Variants in CNGA1 observed in about 807,000 individuals in gnomAD.
CNGA1 encodes the protein cyclic nucleotide gated channel subunit alpha 1, also known as cyclic nucleotide-gated channel alpha-1.
Under a neutral mutation model 69.7 loss-of-function variants are expected in CNGA1, and 53 were observed. The ratio of observed to expected loss-of-function variants is 0.76; its 90% CI spans 0.61 to 0.96. The LOEUF is 0.96. CNGA1 is among the 40% of genes least tolerant of loss of function. CNGA1 has a pLI of 0.00. For missense variants in CNGA1, 739 were observed against 811.2 expected (o/e 0.91, Z 1.08); for synonymous variants, 249 against 283.5 (o/e 0.88, Z 1.22).
At chr4:47,994,865 G>A (rs1461476160) in intron 2 of CNGA1, among the ~76,000 whole-genome samples, 1 of 152,086 alleles carries the variant, frequency 6.6e-6, no homozygotes, top group Non-Finnish European at 1.5e-5. Context: ...TCTTGTAGTG[G>A]TGACTTGGTA....
intron 10 of CNGA1, among the ~76,000 whole-genome samples, chr4:47,938,830 A>T (rs572974329): frequency 6.6e-6 from 1 of 151,986 alleles, no homozygotes; most frequent in African/African-American, 2.4e-5. Flanking sequence ...TAATCCCAGC[A>T]CTTTGGAAGG....
chr4:48,014,926 C>A (rs532021199), intron 1 of CNGA1, among the ~76,000 whole-genome samples: 4 of 152,010 alleles, frequency 2.6e-5, no homozygotes, highest in East Asian at 1.9e-4. Context: ...TAATCCCAGC[C>A]CTTTGGGAGG....
At chr4:48,004,548 T>C (rs1210478399) in intron 2 of CNGA1, among the ~76,000 whole-genome samples, 4 of 152,138 alleles carry the variant, frequency 2.6e-5, no homozygotes, top group Non-Finnish European at 4.4e-5. Flanking sequence ...CTCTCATGGC[T>C]AGGATGGTTT....
chr4:47,973,485 G>A (rs917319491), intron 3 of CNGA1, among the ~76,000 whole-genome samples: 6 of 152,136 alleles, frequency 3.9e-5, no homozygotes, highest in Non-Finnish European at 7.3e-5. Flanking sequence ...CACGTAGAAG[G>A]CTTCCTGTAT....
intron 3 of CNGA1, among the ~76,000 whole-genome samples, chr4:47,979,320 CAAAAA>C (rs10572642): frequency 1.7e-5 from 2 of 117,226 alleles, no homozygotes; most frequent in Admixed American, 9.3e-5. Flanking sequence ...CACTCCATCT[CAAAAA>C]AAAAAAAAAA....
At chr4:48,007,870 C>A (rs1371637679) in intron 2 of CNGA1, among the ~76,000 whole-genome samples, 2 of 152,022 alleles carry the variant, frequency 1.3e-5, no homozygotes, top group Non-Finnish European at 1.5e-5. Context: ...TAGCATCAGG[C>A]CACAACAAAC....
intron 5 of CNGA1, 117 bp downstream of exon 5, chr4:47,951,236 A>G: frequency 1.4e-6 from 1 of 705,856 alleles, no homozygotes; most frequent in South Asian, 1.5e-5. Context: ...TGTGGGAGTT[A>G]TTTCTATCCT....
At position 47,937,205 on chromosome 4, in the gene CNGA1, A is replaced by G. The variant is rs1560617118; in HGVS notation, c.1277T>C (p.Met426Thr). ...YMHFRNVSKD[M>T]EKRVIKWFDY... ...AAACCATTTAATAACCCTCTTTTCC[A>G]TATCTTTGCTTACATTTCGAAAATG... Residue 426 changes from methionine (M) to threonine (T), a missense_variant, in exon 11 of 11, where the codon ATG becomes ACG. Met to Thr is a moderately conservative substitution (Grantham distance 81). Coordinates refer to ENST00000514170, the MANE Select transcript of CNGA1 (RefSeq NM_001379270.1). The G allele has an allele frequency of 6.2e-7, 1 of 1,614,076 alleles. No homozygotes were observed. Among genetic ancestry groups the G allele is most frequent in the Non-Finnish European group, 8.5e-7 (1 of 1,180,008 alleles).
rs755612603 is a variant in CNGA1 at position 47,937,262 on chromosome 4, T to C, written c.1220A>G (p.Gln407Arg). ...TTGCTTGATAGCATCAATTCTTGCT[T>C]GAAATTCTGCTCTGGCTGCATTCAT... ...SNMNAARAEF[Q>R]ARIDAIKQYM... Residue 407 changes from glutamine (Q) to arginine (R), a missense_variant, in exon 11 of 11, where the codon CAA (glutamine) becomes CGA (arginine). By Grantham distance (43) the Gln-to-Arg change is conservative. Coordinates refer to ENST00000514170, the MANE Select transcript of CNGA1 (RefSeq NM_001379270.1). The C allele has an allele frequency of 1.1e-5, 18 of 1,613,956 alleles. No individual in the cohort carries two copies. Among genetic ancestry groups the C allele is most frequent in the Non-Finnish European group, 1.4e-5 (17 of 1,180,040 alleles).
intron 3 of CNGA1, among the ~76,000 whole-genome samples, chr4:47,954,545 C>G (rs1351356918): frequency 6.6e-6 from 1 of 152,214 alleles, no homozygotes; most frequent in Non-Finnish European, 1.5e-5. Context: ...AATCAGAAAA[C>G]CTTCCCATTT....
At chr4:47,994,421 T>A (rs973481358) in intron 2 of CNGA1, among the ~76,000 whole-genome samples, 2 of 152,150 alleles carry the variant, frequency 1.3e-5, no homozygotes, top group Admixed American at 6.5e-5. Context: ...CCTTTTATCA[T>A]TATATAATGT....
Position 48,000,739 on chromosome 4 carries a change from AGC to A in CNGA1, c.-123+10053_-123+10054del, listed in dbSNP as rs1491173596. On this transcript the variant is annotated intron_variant, in intron 2 of 10. Coordinates refer to ENST00000514170, the MANE Select transcript of CNGA1 (RefSeq NM_001379270.1). ...TAGGCACATTACATACAGTGGGGGA[AGC>A]GGGGGGGTGGGAAGGATAATCACAG... Among the ~76,000 whole-genome samples, 31 of 52,076 alleles carry A rather than the reference AGC, an allele frequency of 6.0e-4. 1 individual carries two copies. The South Asian group carries it at 7.7e-3, about 13-fold the overall frequency. 34.2% of individuals were successfully genotyped at this position (52,076 alleles called of 152,430 possible). A position where few individuals can be genotyped will look rare whatever the true frequency, so the allele number is the denominator to read the frequency against.
chr4:47,969,704 G>A (rs983187716), intron 3 of CNGA1, among the ~76,000 whole-genome samples: 7 of 151,968 alleles, frequency 4.6e-5, no homozygotes, highest in Non-Finnish European at 1.0e-4. Context: ...TCCTGACCTC[G>A]GGTGATCTCC....
At chr4:47,953,130 G>A (rs1436530301) in intron 3 of CNGA1, among the ~76,000 whole-genome samples, 1 of 152,160 alleles carries the variant, frequency 6.6e-6, no homozygotes, top group African/African-American at 2.4e-5. Context: ...TGGGTACACA[G>A]CCAAACCATA....
intron 1 of CNGA1, among the ~76,000 whole-genome samples, chr4:48,011,412 T>TAC (rs60964628): frequency 0.19 from 28,643 of 150,416 alleles, 2,760 homozygotes; most frequent in East Asian, 0.27. Flanking sequence ...CATGCACACA[T>TAC]ACACACACAC....
intron 2 of CNGA1, among the ~76,000 whole-genome samples, chr4:47,982,957 A>G (rs1192304805): frequency 6.6e-6 from 1 of 152,048 alleles, no homozygotes; most frequent in Non-Finnish European, 1.5e-5. Flanking sequence ...GATGTGTGCT[A>G]CCAAGCCCAG....
chr4:47,991,772 T>C (rs553261105), intron 2 of CNGA1, among the ~76,000 whole-genome samples: 2 of 152,354 alleles, frequency 1.3e-5, no homozygotes, highest in Admixed American at 1.3e-4. Flanking sequence ...TTTTTCAATG[T>C]TATCTTCTAG....
rs534050396 is a variant in CNGA1, at chr4:48,009,019, G to A, written c.-123+1775C>T. On this transcript the variant is annotated intron_variant, in intron 2 of 10. Transcript: ENST00000514170. The stretch of plus-strand genomic sequence containing the variant: ...AATCTTGGGCTGGGTTTATAGGTTT[G>A]TAACCCCTATGCCAAATTTTGACAC... 8.3e-3 allele frequency among the ~76,000 whole-genome samples: 1,263 copies of A among 152,220 alleles called. 5 individuals carry two copies. The highest frequency in any genetic ancestry group is 0.013 in the Non-Finnish European group (870 of 68,022).
In CNGA1 at chr4:47,976,149, GTATATATATATATATA is replaced by G. The variant is rs58349297; in HGVS notation, c.-15+5228_-15+5243del. ...TCTCCCTAAGCATTTACTTTCATAT[GTATATATATATATATA>G]TATATACACATACATATATATATAC... On this transcript the variant is annotated intron_variant, in intron 3 of 10. Coordinates refer to ENST00000514170, the MANE Select transcript of CNGA1 (RefSeq NM_001379270.1). Among the ~76,000 whole-genome samples the G allele has an allele frequency of 2.5e-3, 62 of 24,422 alleles. 5 individuals carry two copies. Among genetic ancestry groups the G allele is most frequent in the Non-Finnish European group, 3.8e-3 (42 of 11,166 alleles). The allele number at this position is 24,422 out of a possible 152,430, so 16.0% of individuals were successfully genotyped here. A position where few individuals can be genotyped will look rare whatever the true frequency, so the allele number is the denominator to read the frequency against.
Sources: gnomAD v4.1 joint callset for allele counts (sites outside exome capture counted in the v4.1 genomes callset) on GRCh38, gnomAD v4.1.1 for gene constraint, MANE v1.5 for transcripts, NCBI Gene and HGNC (gene_info 2026-07-23, HGNC 2026-07-21) for gene names.